The following DHX34 variants were observed in gnomAD, a reference collection of about 807,000 sequenced individuals.
DHX34 encodes probable ATP-dependent RNA helicase DHX34.
Under a neutral mutation model 111.1 loss-of-function variants are expected in DHX34, and 96 were observed. The ratio of observed to expected loss-of-function variants is 0.86; its 90% CI spans 0.73 to 1.02. The LOEUF (loss-of-function observed/expected upper bound fraction) is 1.02, where lower values mean the gene tolerates loss of function less well. DHX34 is among the 50% of genes least tolerant of loss of function. The pLI is 0.00. For synonymous variants in DHX34, 688 were observed against 670.4 expected (o/e 1.03, Z -0.41); for missense variants, 1,560 against 1,579.9 (o/e 0.99, Z 0.21).
chr19:47,359,419 G>C (rs1174334986), intron 4 of DHX34, among the ~76,000 whole-genome samples: 1 of 150,940 alleles, frequency 6.6e-6, no homozygotes, highest in East Asian at 2.0e-4. Context: ...CTGTGATCAC[G>C]CCACTGCACT....
Position 47,354,335 on chromosome 19 carries a change from C to T in DHX34, c.705+600C>T, listed in dbSNP as rs115545517. Among the ~76,000 whole-genome samples the T allele has an allele frequency of 7.8e-3, 1,181 of 152,310 alleles. 23 individuals carry two copies. The highest frequency in any genetic ancestry group is 0.027 in the African/African-American group (1,116 of 41,564). On this transcript the variant is annotated intron_variant, in intron 2 of 16. Transcript: ENST00000328771. The stretch of plus-strand genomic sequence containing the variant: ...AAGGCCAATAATAGTCCTTCTGTCT[C>T]ATGGTGGTCATGAGGATGAAATGGG...
chr19:47,380,017 A>G (rs558143998), intron 14 of DHX34, 32 bp downstream of exon 14: 16 of 1,549,898 alleles, frequency 1.0e-5, no homozygotes, highest in African/African-American at 2.7e-5. Flanking sequence ...GTGCCTCCCT[A>G]TGGCCAGAAG....
Position 47,366,976 on chromosome 19 carries a change from T to C in DHX34, c.1594-5T>C. 6.5e-7 allele frequency: 1 copy of C among 1,546,594 alleles called. No individual in the cohort carries two copies. Among genetic ancestry groups the C allele is most frequent in the South Asian group, 1.2e-5 (1 of 80,662 alleles). ...CAATCTTGGGGGTTTTGCTTCTCATTCTAGATGAAGAGCATGAGTGTGGGG... is the reference window on the plus strand; with the variant it reads ...CAATCTTGGGGGTTTTGCTTCTCATCCTAGATGAAGAGCATGAGTGTGGGG... On this transcript the variant is annotated splice_region_variant and splice_polypyrimidine_tract_variant and intron_variant, in intron 6 of 16. Transcript: ENST00000328771.
intron 7 of DHX34, among the ~76,000 whole-genome samples, chr19:47,369,999 G>A (rs192568264): frequency 7.9e-5 from 12 of 152,244 alleles, no homozygotes; most frequent in South Asian, 6.2e-4. Context: ...GGAATAGGGC[G>A]TTAATCTTGA....
In DHX34 at chr19:47,353,185, AG is replaced by A; in HGVS notation, c.158del (p.Gly53ValfsTer123). On this transcript the variant is annotated frameshift_variant, in exon 2 of 17. Coordinates refer to ENST00000328771, the MANE Select transcript of DHX34 (RefSeq NM_014681.6). LOFTEE classifies it high-confidence loss of function. The surrounding 1 kb of genome is among the most constrained non-coding windows in gnomAD (Gnocchi z 4.6). ...TTCCGTGAAGAGGATTACATCCGTC[AG>A]GGTTCTGAGGAATGTCAGAAGTTTT... Reference protein sequence around the residue: ...AFFREEDYIRQGSEECQKFWT... With the variant: ...AFFREEDYIRXGSEECQKFWT... 8.7e-6 allele frequency: 14 copies of A among 1,614,210 alleles called. No homozygotes were observed. Among genetic ancestry groups the A allele is most frequent in the Non-Finnish European group, 1.1e-5 (13 of 1,180,044 alleles).
intron 3 of DHX34, 186 bp from the exon 4 acceptor site, chr19:47,357,680 A>G (rs548776366): frequency 3.6e-5 from 33 of 905,686 alleles, no homozygotes; most frequent in Non-Finnish European, 1.3e-6. Context: ...TGGTGGCATA[A>G]TGAGAAAGGA....
chr19:47,376,608 C>T (rs751475372), intron 12 of DHX34, 48 bp downstream of exon 12: 57 of 1,539,750 alleles, frequency 3.7e-5, no homozygotes, highest in Admixed American at 9.9e-5. Context: ...ATGTGAGGGG[C>T]AGGGATACCG....
chr19:47,355,390 A>G (rs777219534), intron 3 of DHX34, 40 bp downstream of exon 3: 67 of 1,592,658 alleles, frequency 4.2e-5, no homozygotes, highest in African/African-American at 3.9e-4. Context: ...CAGACCTCCA[A>G]CCTGGTCTCT....
chr19:47,376,874 C>T, intron 12 of DHX34: 3 of 1,533,208 alleles, frequency 2.0e-6, no homozygotes, highest in Non-Finnish European at 2.6e-6. Flanking sequence ...AGAGGGAGGC[C>T]CCCCTGGCAC....
chr19:47,351,337 C>T (rs931612921), intron 1 of DHX34, among the ~76,000 whole-genome samples: 6 of 151,580 alleles, frequency 4.0e-5, no homozygotes, highest in Admixed American at 2.6e-4. Flanking sequence ...GCCAGGTGCC[C>T]GCCACCACAC....
Position 47,382,289 on chromosome 19 carries a change from A to G in DHX34, c.*176A>G, listed in dbSNP as rs896978171. 329 of 1,123,364 alleles carry G rather than the reference A, an allele frequency of 2.9e-4. No homozygotes were observed. Among genetic ancestry groups the G allele is most frequent in the Non-Finnish European group, 1.5e-4 (124 of 836,820 alleles). 69.6% of individuals were successfully genotyped at this position (1,123,364 alleles called of 1,614,324 possible). A position where few individuals can be genotyped will look rare whatever the true frequency, so the allele number is the denominator to read the frequency against. ...GCCTCACATGCTGATACACACTGTT[A>G]GGCCTGCACCTGCCCATCCAGAAAG... On this transcript the variant is annotated 3_prime_UTR_variant, in exon 17 of 17. Transcript: ENST00000328771.
rs759259700 is a variant in DHX34, at chr19:47,377,092, C to T, written c.2600-8C>T. 46 of 1,613,932 alleles carry T rather than the reference C, an allele frequency of 2.9e-5. No homozygotes were observed. In the South Asian group the frequency reaches 4.6e-4, roughly 16 times the overall value. ...GGTGGGCCTGAGCGGTCCTCCTCAACCTTTCAGACGACAAGGACAAGATGA... is the reference window on the plus strand; with the variant it reads ...GGTGGGCCTGAGCGGTCCTCCTCAATCTTTCAGACGACAAGGACAAGATGA... On this transcript the variant is annotated splice_region_variant and splice_polypyrimidine_tract_variant and intron_variant, in intron 12 of 16. Coordinates refer to ENST00000328771, the MANE Select transcript of DHX34 (RefSeq NM_014681.6).
rs1044894144 is a variant in DHX34 at position 47,377,677 on chromosome 19, CATG to C, written c.2706+472_2706+474del. Among the ~76,000 whole-genome samples, 16 of 151,772 alleles carry C rather than the reference CATG, an allele frequency of 1.1e-4. No homozygotes were observed. The South Asian group carries it at 1.5e-3, about 14-fold the overall frequency. ...GCCTGCACAGAGGCTCCGAGGCAGA[CATG>C]TGCCTGGCGTGCAGTCAGCAAGGGA... On this transcript the variant is annotated intron_variant, in intron 13 of 16. Transcript: ENST00000328771.
At chr19:47,349,699 C>G (rs925167152) in intron 1 of DHX34, among the ~76,000 whole-genome samples, 9 of 151,982 alleles carry the variant, frequency 5.9e-5, no homozygotes, top group Admixed American at 5.9e-4. Context: ...TCTTAGAGCC[C>G]ACGAGGCCGA....
intron 6 of DHX34, among the ~76,000 whole-genome samples, chr19:47,364,879 G>A (rs1005197995): frequency 2.0e-5 from 3 of 152,282 alleles, no homozygotes; most frequent in African/African-American, 2.4e-5. Context: ...GCCACCAGGC[G>A]TCAGAGCCTG....
At chr19:47,379,660 G>A (rs1374672315) in intron 13 of DHX34, 50 bp from the exon 14 acceptor site, 1 of 1,546,804 alleles carries the variant, frequency 6.5e-7, no homozygotes, top group Non-Finnish European at 8.8e-7. Context: ...GTCTCCAATA[G>A]CGCCCTGCCC....
chr19:47,351,780 G>A (rs996491510), intron 1 of DHX34, among the ~76,000 whole-genome samples: 4 of 152,110 alleles, frequency 2.6e-5, no homozygotes, highest in Non-Finnish European at 5.9e-5. Context: ...GGTTAGAGGG[G>A]GAGTAGACTA....
At chr19:47,373,412 C>A in intron 8 of DHX34, 187 bp from the exon 9 acceptor site, 1 of 930,184 alleles carries the variant, frequency 1.1e-6, no homozygotes, top group Non-Finnish European at 1.3e-6. Context: ...CCCAGCGGGG[C>A]ATCTAACCCA....
intron 3 of DHX34, among the ~76,000 whole-genome samples, chr19:47,356,301 G>A (rs941775002): frequency 6.6e-6 from 1 of 151,938 alleles, no homozygotes; most frequent in Non-Finnish European, 1.5e-5. Flanking sequence ...TTCTGGTTCC[G>A]GATGCCCATC....
Sources: gnomAD v4.1 joint callset for allele counts (sites outside exome capture counted in the v4.1 genomes callset) on GRCh38, gnomAD v4.1.1 for gene constraint, Gnocchi (gnomAD v3.1) non-coding constraint, MANE v1.5 for transcripts, NCBI Gene and HGNC (gene_info 2026-07-23, HGNC 2026-07-21) for gene names.